The following C12orf42 variants were observed in gnomAD, a reference collection of about 807,000 sequenced individuals.
C12orf42 encodes the protein chromosome 12 open reading frame 42.
A neutral mutation model predicts 21.6 loss-of-function variants in C12orf42; 25 were observed. The ratio of observed to expected loss-of-function variants is 1.16; its 90% CI spans 0.84 to 1.62. The LOEUF is 1.62. Among genes scored for constraint, C12orf42 ranks in the 40% most tolerant of loss-of-function variants. C12orf42 has a pLI of 0.00. For missense variants in C12orf42, 483 were observed against 459.3 expected (o/e 1.05, Z -0.47); for synonymous variants, 174 against 175.0 (o/e 0.99, Z 0.05).
chr12:103,350,190 AC>A (rs2042989368), intron 4 of C12orf42, among the ~76,000 whole-genome samples: 1 of 152,204 alleles, frequency 6.6e-6, no homozygotes, highest in South Asian at 2.1e-4. Flanking sequence ...ACACTCAACC[AC>A]AGTCTGAAAA....
At chr12:103,413,471 TTACTC>T (rs759181557) in intron 2 of C12orf42, among the ~76,000 whole-genome samples, 6 of 78,366 alleles carry the variant, frequency 7.7e-5, no homozygotes, top group Non-Finnish European at 1.6e-4. Context: ...ATTTTGGTAT[TTACTC>T]TATTATTATT....
At chr12:103,435,920 G>A (rs1280271397) in intron 2 of C12orf42, among the ~76,000 whole-genome samples, 13 of 149,130 alleles carry the variant, frequency 8.7e-5, no homozygotes, top group Middle Eastern at 3.4e-3. Context: ...GATACTCCTC[G>A]AGAAGAGCAA....
At chr12:103,082,212 C>T in the C12orf42 span, among the ~76,000 whole-genome samples, 1 of 152,284 alleles carries the variant, frequency 6.6e-6, no homozygotes, top group East Asian at 1.9e-4. Flanking sequence ...ATGGCACATG[C>T]TAATGTGTCA....
chr12:103,143,591 T>G, the C12orf42 span, among the ~76,000 whole-genome samples: 1 of 152,192 alleles, frequency 6.6e-6, no homozygotes, highest in African/African-American at 2.4e-5. Flanking sequence ...ATGGCAGACT[T>G]TTAAGGCCTC....
At chr12:103,092,812 G>T in the C12orf42 span, among the ~76,000 whole-genome samples, 6 of 151,904 alleles carry the variant, frequency 3.9e-5, no homozygotes, top group Admixed American at 1.3e-4. Flanking sequence ...CATCTAAGTG[G>T]CCAAACCCTT....
chr12:103,068,368 A>C, the C12orf42 span, among the ~76,000 whole-genome samples: 1 of 152,286 alleles, frequency 6.6e-6, no homozygotes, highest in East Asian at 1.9e-4. Context: ...CTGGTTGTAC[A>C]AAGGATAGTT....
At chr12:103,197,799 C>T in the C12orf42 span, among the ~76,000 whole-genome samples, 18 of 152,050 alleles carry the variant, frequency 1.2e-4, no homozygotes, top group African/African-American at 3.6e-4. Context: ...TTCAGTCAAC[C>T]GGCTTTGTTT....
Position 103,491,105 on chromosome 12 carries a change from C to T in C12orf42, c.-22+4797G>A, listed in dbSNP as rs567261101. Among the ~76,000 whole-genome samples, 25 of 152,156 alleles carry T rather than the reference C, an allele frequency of 1.6e-4. No individual in the cohort carries two copies. The East Asian group carries it at 4.8e-3, about 29-fold the overall frequency. On this transcript the variant is annotated intron_variant, in intron 1 of 5. Coordinates refer to ENST00000548883, the MANE Select transcript of C12orf42 (RefSeq NM_198521.5). ...TTCTATAATGTGGAACTTCTTTTTC[C>T]TTAAAACATTTAAAGAACTGACTCG...
intron 2 of C12orf42, among the ~76,000 whole-genome samples, chr12:103,473,943 A>G (rs1283591570): frequency 6.6e-6 from 1 of 152,302 alleles, no homozygotes; most frequent in East Asian, 1.9e-4. Flanking sequence ...ATCAGTGCAG[A>G]TGTTTTGATT....
At chr12:103,362,637 G>C (rs933276128) in intron 4 of C12orf42, among the ~76,000 whole-genome samples, 1 of 150,968 alleles carries the variant, frequency 6.6e-6, no homozygotes, top group East Asian at 1.9e-4. Context: ...CAGTGAAATA[G>C]ATAGCATAAG....
chr12:103,380,797 A>C (rs772239848), intron 3 of C12orf42, among the ~76,000 whole-genome samples: 6 of 152,236 alleles, frequency 3.9e-5, no homozygotes, highest in Non-Finnish European at 7.3e-5. Flanking sequence ...TAAACACTTT[A>C]GACATTTTTA....
Position 103,449,112 on chromosome 12 carries a change from T to TAGAC in C12orf42, c.78+29236_78+29237insGTCT, listed in dbSNP as rs1951769199. 4.6e-5 allele frequency among the ~76,000 whole-genome samples: 7 copies of TAGAC among 151,452 alleles called. No homozygotes were observed. In the South Asian group the frequency reaches 1.5e-3, roughly 32 times the overall value. ...ATAGATAGATAGATAGATAGATAGATAGATAGATAGATAGATAGACAGACA... is the reference window on the plus strand; with the variant it reads ...ATAGATAGATAGATAGATAGATAGATAGACAGATAGATAGATAGATAGACAGACA... On this transcript the variant is annotated intron_variant, in intron 2 of 5. Transcript: ENST00000548883.
At chr12:103,522,205 A>G in the C12orf42 span, among the ~76,000 whole-genome samples, 1 of 152,124 alleles carries the variant, frequency 6.6e-6, no homozygotes, top group Admixed American at 6.5e-5. Flanking sequence ...ATGGCTATAT[A>G]AAGGGTTTCC....
Position 103,291,441 on chromosome 12 carries a change from C to T in C12orf42, n.338-14231G>A, listed in dbSNP as rs570514961. ...ATTCAAGAACAAGCTGACAGAGTAG[C>T]GAAAGCAAAGCAAGTTTATTAGAGC... On this transcript the variant is annotated intron_variant and non_coding_transcript_variant, in intron 4 of 6. Coordinates refer to the C12orf42 transcript ENST00000546526. Among the ~76,000 whole-genome samples, 263 of 152,242 alleles carry T rather than the reference C, an allele frequency of 1.7e-3. 1 individual carries two copies. Among genetic ancestry groups the T allele is most frequent in the African/African-American group, 6.0e-3 (249 of 41,542 alleles).
At chr12:103,467,917 T>C (rs1360725022) in intron 2 of C12orf42, among the ~76,000 whole-genome samples, 1 of 152,180 alleles carries the variant, frequency 6.6e-6, no homozygotes, top group African/African-American at 2.4e-5. Flanking sequence ...CTGTGGGGTA[T>C]TCTACCTATA....
rs550670292 is a variant in C12orf42 at position 103,458,699 on chromosome 12, T to C, written c.78+19650A>G. Reference sequence around the variant, plus strand: ...CCAGTGACTCTTGCAACTTGTCCAGTTTCTTGGATGGACCACAGGGGCCTG... The same window carrying C: ...CCAGTGACTCTTGCAACTTGTCCAGCTTCTTGGATGGACCACAGGGGCCTG... On this transcript the variant is annotated intron_variant, in intron 2 of 5. Coordinates refer to ENST00000548883, the MANE Select transcript of C12orf42 (RefSeq NM_198521.5). 5.1e-4 allele frequency among the ~76,000 whole-genome samples: 78 copies of C among 152,250 alleles called. 1 individual carries two copies. The South Asian group carries it at 0.016, about 31-fold the overall frequency.
intron 4 of C12orf42, among the ~76,000 whole-genome samples, chr12:103,281,513 T>C (rs939276213): frequency 7.9e-5 from 12 of 151,944 alleles, no homozygotes; most frequent in South Asian, 6.2e-4. Context: ...CCCACCACCA[T>C]GCCTGGCTAA....
the C12orf42 span, among the ~76,000 whole-genome samples, chr12:103,218,349 C>A: frequency 2.6e-5 from 4 of 151,802 alleles, no homozygotes; most frequent in African/African-American, 9.7e-5. Context: ...GAAAAATAGA[C>A]TAAACCTGGT....
chr12:103,191,673 C>T, the C12orf42 span, among the ~76,000 whole-genome samples: 1 of 148,364 alleles, frequency 6.7e-6, no homozygotes, highest in Non-Finnish European at 1.5e-5. Context: ...ACCAGGAGGT[C>T]CAGACTCTGC....
Sources: allele counts gnomAD v4.1 joint callset (sites outside exome capture counted in the v4.1 genomes callset), GRCh38; gene constraint gnomAD v4.1.1; transcripts MANE v1.5; gene names NCBI Gene and HGNC (gene_info 2026-07-23, HGNC 2026-07-21).